Variants in TMEM150C observed in about 807,000 individuals in gnomAD.
The protein encoded by TMEM150C is tentonin 3.
In TMEM150C, 10 loss-of-function variants were observed where a neutral mutation model predicts 29.9. That is an observed-to-expected ratio of 0.33 (90% CI 0.21 to 0.57). The LOEUF (loss-of-function observed/expected upper bound fraction) is 0.57. Ranked by LOEUF, TMEM150C falls within the 20% of genes least tolerant of loss-of-function variation. The probability of loss-of-function intolerance (pLI) is 0.88; values close to 1 mark genes in which losing one functional copy is unlikely to be tolerated. For synonymous variants in TMEM150C, 101 were observed against 112.5 expected (o/e 0.90, Z 0.64); for missense variants, 251 against 303.6 (o/e 0.83, Z 1.29).
intron 5 of TMEM150C, among the ~76,000 whole-genome samples, chr4:82,501,931 G>C (rs1480065979): frequency 6.6e-6 from 1 of 152,154 alleles, no homozygotes. Flanking sequence ...ACCACTTCCA[G>C]AACACCATTG....
chr4:82,519,649 A>T (rs1578138187), intron 1 of TMEM150C, among the ~76,000 whole-genome samples: 1 of 151,802 alleles, frequency 6.6e-6, no homozygotes, highest in African/African-American at 2.4e-5. Context: ...CTGGTCTCGA[A>T]CTCCTAACCT....
chr4:82,487,746 A>G (rs1287587653), intron 7 of TMEM150C, among the ~76,000 whole-genome samples: 1 of 152,140 alleles, frequency 6.6e-6, no homozygotes, highest in Non-Finnish European at 1.5e-5. Context: ...ATGAAGAAAA[A>G]ATAAATAGTC....
chr4:82,541,703 T>C (rs967500513), intron 1 of TMEM150C, among the ~76,000 whole-genome samples: 1 of 152,170 alleles, frequency 6.6e-6, no homozygotes, highest in African/African-American at 2.4e-5. Context: ...GAATTCCCAC[T>C]ATGTACTTAA....
At position 82,485,361 on chromosome 4, in the gene TMEM150C, G is replaced by A. The variant is rs534789941; in HGVS notation, c.*150C>T. 7 of 638,318 alleles carry A rather than the reference G, an allele frequency of 1.1e-5. No homozygotes were observed. The highest frequency in any genetic ancestry group is 5.5e-5 in the East Asian group (2 of 36,296). 39.5% of individuals were successfully genotyped at this position (638,318 alleles called of 1,614,324 possible). A position where few individuals can be genotyped will look rare whatever the true frequency, so the allele number is the denominator to read the frequency against. On this transcript the variant is annotated 3_prime_UTR_variant, in exon 8 of 8. Transcript: ENST00000449862. ...TGCTTTTTCATTAAAGAAATAACTC[G>A]CCCTGAAAAGCTCATTTGGCAAATG... is the stretch of plus-strand genomic sequence containing the variant.
chr4:82,555,345 TA>T (rs1725704543), intron 1 of TMEM150C, among the ~76,000 whole-genome samples: 1 of 152,182 alleles, frequency 6.6e-6, no homozygotes, highest in African/African-American at 2.4e-5. Context: ...CACTATCTGC[TA>T]AAAACAAATG....
At position 82,483,788 on chromosome 4, in the gene TMEM150C, CT is replaced by C. The variant is rs202051449; in HGVS notation, c.*1722del. On this transcript the variant is annotated 3_prime_UTR_variant, in exon 8 of 8. Transcript: ENST00000449862. ...TTGGGTTGAATTAAAAAACGTTTTT[CT>C]TTTTTTCTTTTTTTTTTGAGATGGA... The C allele has an allele frequency of 1.4e-5, 2 of 138,088 alleles. No individual in the cohort carries two copies. The highest frequency in any genetic ancestry group is 5.6e-5 in the African/African-American group (2 of 35,646). 8.6% of individuals were successfully genotyped at this position (138,088 alleles called of 1,614,324 possible).
At chr4:82,497,679 G>A (rs1354946477) in intron 5 of TMEM150C, among the ~76,000 whole-genome samples, 1 of 152,176 alleles carries the variant, frequency 6.6e-6, no homozygotes, top group Non-Finnish European at 1.5e-5. Context: ...CTATTGATCA[G>A]AAAATTAATA....
intron 1 of TMEM150C, among the ~76,000 whole-genome samples, chr4:82,526,737 A>G (rs547643710): frequency 3.9e-5 from 6 of 152,350 alleles, no homozygotes; most frequent in Non-Finnish European, 7.3e-5. Flanking sequence ...AAACCTCTCA[A>G]TTAATTATAA....
chr4:82,560,619 G>A (rs764409583), intron 1 of TMEM150C, among the ~76,000 whole-genome samples: 1 of 152,080 alleles, frequency 6.6e-6, no homozygotes, highest in African/African-American at 2.4e-5. Context: ...TTCTTTGATC[G>A]GTCACATATA....
rs546637453 is a variant in TMEM150C, at chr4:82,537,483, G to C, written c.-11+24423C>G. Among the ~76,000 whole-genome samples, 90 of 152,292 alleles carry C rather than the reference G, an allele frequency of 5.9e-4. 1 individual carries two copies. Among genetic ancestry groups the C allele is most frequent in the African/African-American group, 2.1e-3 (86 of 41,570 alleles). Reference sequence around the variant, plus strand: ...AAAACAACTGGGTGATAGGTATCAGGAGGCTTAAAAATGCTCCTATCCTTG... The same window carrying C: ...AAAACAACTGGGTGATAGGTATCAGCAGGCTTAAAAATGCTCCTATCCTTG... On this transcript the variant is annotated intron_variant, in intron 1 of 7. Transcript: ENST00000449862.
At chr4:82,521,538 CGA>C (rs1724484621) in intron 1 of TMEM150C, among the ~76,000 whole-genome samples, 1 of 152,178 alleles carries the variant, frequency 6.6e-6, no homozygotes, top group Non-Finnish European at 1.5e-5. Flanking sequence ...CCACACAGTA[CGA>C]GTGATTAATT....
At chr4:82,503,962 C>T (rs1578128896) in intron 2 of TMEM150C, among the ~76,000 whole-genome samples, 1 of 152,068 alleles carries the variant, frequency 6.6e-6, no homozygotes, top group Non-Finnish European at 1.5e-5. Flanking sequence ...GTGTCAAATT[C>T]GAAAATCTTG....
At chr4:82,513,040 C>A (rs962487007) in intron 1 of TMEM150C, among the ~76,000 whole-genome samples, 1 of 152,196 alleles carries the variant, frequency 6.6e-6, no homozygotes. Context: ...TCCTGCCTGC[C>A]GGCTTTGAAG....
chr4:82,537,277 G>A lies in TMEM150C; in HGVS notation c.-11+24629C>T, dbSNP rs554381611. Reference sequence around the variant, plus strand: ...TGGGATTACAGGCGTGAGCCACCGCGTCCGGCCCAACTTCACCAATTATTA... The same window carrying A: ...TGGGATTACAGGCGTGAGCCACCGCATCCGGCCCAACTTCACCAATTATTA... On this transcript the variant is annotated intron_variant, in intron 1 of 7. Coordinates refer to ENST00000449862, the MANE Select transcript of TMEM150C (RefSeq NM_001080506.3). 5.8e-4 allele frequency among the ~76,000 whole-genome samples: 88 copies of A among 152,256 alleles called. 1 individual carries two copies. The highest frequency in any genetic ancestry group is 2.1e-3 in the African/African-American group (86 of 41,542).
At chr4:82,501,125 G>T (rs1241985653) in intron 5 of TMEM150C, among the ~76,000 whole-genome samples, 1 of 152,226 alleles carries the variant, frequency 6.6e-6, no homozygotes, top group African/African-American at 2.4e-5. Flanking sequence ...AAATGCAAAT[G>T]TTCCTTAGCA....
At chr4:82,490,268 A>G in intron 6 of TMEM150C, 30 bp from the exon 7 acceptor site, 1 of 1,601,256 alleles carries the variant, frequency 6.2e-7, no homozygotes, top group Non-Finnish European at 8.5e-7. Context: ...TGACACATGA[A>G]GGCCCATTCA....
At chr4:82,500,091 G>A (rs1229333715) in intron 5 of TMEM150C, among the ~76,000 whole-genome samples, 1 of 152,112 alleles carries the variant, frequency 6.6e-6, no homozygotes, top group Non-Finnish European at 1.5e-5. Context: ...CTACCCCGTG[G>A]AAAGAAATGC....
Position 82,483,463 on chromosome 4 carries a change from G to A in TMEM150C, c.*2048C>T, listed in dbSNP as rs1031710552. On this transcript the variant is annotated 3_prime_UTR_variant, in exon 8 of 8. Transcript: ENST00000449862. ...ACAGTAAGACGCCTTTTTGACAGGA[G>A]AATCTTGTTCTCAGCTTGTTCTTTT... 3 of 152,140 alleles carry A rather than the reference G, an allele frequency of 2.0e-5. No individual in the cohort carries two copies. The highest frequency in any genetic ancestry group is 6.5e-5 in the Admixed American group (1 of 15,278). The allele number at this position is 152,140 out of a possible 1,614,324, so 9.4% of individuals were successfully genotyped here.
At chr4:82,538,212 C>A (rs1311255594) in intron 1 of TMEM150C, among the ~76,000 whole-genome samples, 1 of 152,124 alleles carries the variant, frequency 6.6e-6, no homozygotes, top group Non-Finnish European at 1.5e-5. Flanking sequence ...TACCCACCAC[C>A]ACGCCTGGCT....
Sources: gnomAD v4.1 joint callset for allele counts (sites outside exome capture counted in the v4.1 genomes callset) on GRCh38, gnomAD v4.1.1 for gene constraint, MANE v1.5 for transcripts, NCBI Gene and HGNC (gene_info 2026-07-23, HGNC 2026-07-21) for gene names.